MDM2: variants seen among roughly 807,000 people sequenced by gnomAD.
The protein encoded by MDM2 is MDM2 proto-oncogene, also known as E3 ubiquitin-protein ligase Mdm2.
A neutral mutation model predicts 64.3 loss-of-function variants in MDM2; 11 were observed. The ratio of observed to expected loss-of-function variants is 0.17; its 90% CI spans 0.11 to 0.28. The LOEUF (loss-of-function observed/expected upper bound fraction) is 0.28, where lower values mean the gene tolerates loss of function less well. Among genes scored for constraint, MDM2 ranks in the 10% least tolerant of loss-of-function variants. The probability of loss-of-function intolerance (pLI) is 1.00; values close to 1 mark genes in which losing one functional copy is unlikely to be tolerated. For synonymous variants in MDM2, 194 were observed against 192.9 expected, an observed-to-expected ratio of 1.01 and a Z score of -0.05; for missense variants, 388 against 577.1, an observed-to-expected ratio of 0.67 and a Z score of 3.36.
At chr12:68,825,165 C>T (rs1191323486) in intron 7 of MDM2, among the ~76,000 whole-genome samples, 5 of 152,110 alleles carry the variant, frequency 3.3e-5, no homozygotes, top group Non-Finnish European at 5.9e-5. Flanking sequence ...GCCGAAATTG[C>T]GCCACTGCAC....
intron 5 of MDM2, among the ~76,000 whole-genome samples, chr12:68,822,743 T>C (rs1013757132): frequency 1.6e-5 from 2 of 125,442 alleles, no homozygotes; most frequent in African/African-American, 6.4e-5. Context: ...CTCAACTTTG[T>C]CACTTTTTTT....
chr12:68,817,560 AC>A (rs1881489936), intron 4 of MDM2, among the ~76,000 whole-genome samples: 1 of 151,720 alleles, frequency 6.6e-6, no homozygotes, highest in Non-Finnish European at 1.5e-5. Flanking sequence ...GACCAGCCTG[AC>A]CAACATGGAG....
At chr12:68,831,383 A>G (rs1882784038) in intron 8 of MDM2, among the ~76,000 whole-genome samples, 1 of 152,172 alleles carries the variant, frequency 6.6e-6, no homozygotes, top group Admixed American at 6.5e-5. Context: ...TGGTTTGACC[A>G]GGCATGTCAT....
At position 68,808,427 on chromosome 12, in the gene MDM2, G is replaced by T. The variant is rs1404410597; in HGVS notation, c.-51G>T. 1.2e-6 allele frequency: 2 copies of T among 1,613,572 alleles called. No homozygotes were observed. Among genetic ancestry groups the T allele is most frequent in the Non-Finnish European group, 8.5e-7 (1 of 1,179,804 alleles). On this transcript the variant is annotated 5_prime_UTR_variant, in exon 1 of 11. It adds an upstream start codon to the 5' untranslated region. Coordinates refer to ENST00000258149, the MANE Select transcript of MDM2 (RefSeq NM_002392.6). The stretch of plus-strand genomic sequence containing the variant: ...GTCGTGCTTCCGCGCGCCCCGTGAA[G>T]GAAACTGGGGAGTCTTGAGGGACCC...
At chr12:68,812,224 TTAA>T (rs1880965790) in intron 2 of MDM2, among the ~76,000 whole-genome samples, 1 of 152,074 alleles carries the variant, frequency 6.6e-6, no homozygotes, top group African/African-American at 2.4e-5. Flanking sequence ...ATCAGAAAAA[TTAA>T]TAATTCAATT....
At chr12:68,812,147 G>A (rs1337405408) in intron 2 of MDM2, among the ~76,000 whole-genome samples, 1 of 151,502 alleles carries the variant, frequency 6.6e-6, no homozygotes, top group Non-Finnish European at 1.5e-5. Context: ...AATCTTTTTT[G>A]AGAGAGTCCA....
rs1313797177 is a variant in MDM2 at position 68,842,011 on chromosome 12, T to A, written c.*2162T>A. Reference sequence around the variant, plus strand: ...GCTGTTGCAAGGTGTTCAGATTGTATAAACATAAATGTCACAAAAACTTTA... The same window carrying A: ...GCTGTTGCAAGGTGTTCAGATTGTAAAAACATAAATGTCACAAAAACTTTA... On this transcript the variant is annotated 3_prime_UTR_variant, in exon 11 of 11. Transcript: ENST00000258149. The A allele has an allele frequency of 4.9e-6, 2 of 405,386 alleles. No individual in the cohort carries two copies. Among genetic ancestry groups the A allele is most frequent in the Non-Finnish European group, 9.5e-6 (2 of 211,428 alleles). The allele number at this position is 405,386 out of a possible 1,614,324, so 25.1% of individuals were successfully genotyped here. A position where few individuals can be genotyped will look rare whatever the true frequency, so the allele number is the denominator to read the frequency against.
intron 2 of MDM2, among the ~76,000 whole-genome samples, chr12:68,812,809 A>C (rs1881024749): frequency 6.6e-6 from 1 of 152,154 alleles, no homozygotes; most frequent in Non-Finnish European, 1.5e-5. Flanking sequence ...GTTGGTTTAC[A>C]TAGTAGCCAT....
At chr12:68,813,777 A>T in intron 3 of MDM2, 149 bp downstream of exon 3, 1 of 589,386 alleles carries the variant, frequency 1.7e-6, no homozygotes, top group Non-Finnish European at 3.0e-6. Context: ...ACTATATTTT[A>T]AAGCTGAAAA....
At chr12:68,819,120 A>G (rs1483521981) in intron 4 of MDM2, among the ~76,000 whole-genome samples, 2 of 152,206 alleles carry the variant, frequency 1.3e-5, no homozygotes, top group Non-Finnish European at 2.9e-5. Context: ...AGGAGAAATT[A>G]CTGACTTGAA....
intron 5 of MDM2, among the ~76,000 whole-genome samples, chr12:68,822,144 G>A (rs894114866): frequency 2.0e-5 from 3 of 152,258 alleles, no homozygotes; most frequent in East Asian, 1.9e-4. Flanking sequence ...GAGCCACTGC[G>A]TCTGGCTGTT....
chr12:68,830,562 TA>T lies in MDM2; in HGVS notation c.684+1633del, dbSNP rs140740067. Among the ~76,000 whole-genome samples the T allele has an allele frequency of 5.8e-3, 879 of 152,278 alleles. 13 individuals carry two copies. The highest frequency in any genetic ancestry group is 0.02 in the African/African-American group (819 of 41,554). ...TTGCCTTCATTGGGAGATAGATCAT[TA>T]ATGACAAAAATGAAAACATTTAATA... On this transcript the variant is annotated intron_variant, in intron 8 of 10. Coordinates refer to ENST00000258149, the MANE Select transcript of MDM2 (RefSeq NM_002392.6).
chr12:68,817,056 A>T, intron 4 of MDM2, 111 bp downstream of exon 4: 1 of 1,269,584 alleles, frequency 7.9e-7, no homozygotes, highest in Non-Finnish European at 1.1e-6. Flanking sequence ...TATTAAAGAC[A>T]TGCTGAAACT....
rs112099431 is a variant in MDM2 at position 68,840,919 on chromosome 12, A to T, written c.*1070A>T. On this transcript the variant is annotated 3_prime_UTR_variant, in exon 11 of 11. Coordinates refer to ENST00000258149, the MANE Select transcript of MDM2 (RefSeq NM_002392.6). ...GAGTGCAGTGGAGTGATCTCGGCTC[A>T]CTGCAACTTCCGCCTTCTGGGTTCA... The T allele has an allele frequency of 4.3e-5, 6 of 139,120 alleles. No homozygotes were observed. The highest frequency in any genetic ancestry group is 1.9e-4 in the African/African-American group (6 of 31,776). The allele number at this position is 139,120 out of a possible 1,614,324, so 8.6% of individuals were successfully genotyped here.
At chr12:68,836,067 TTATTCAGATTTCA>T in intron 9 of MDM2, 83 bp downstream of exon 9, 1 of 1,195,834 alleles carries the variant, frequency 8.4e-7, no homozygotes, top group Non-Finnish European at 1.1e-6. Context: ...TGAAATAATA[TTATTCAGATTTCA>T]CTTGAAATCT....
chr12:68,847,065 AG>A (rs1884344876), downstream of MDM2: 1 of 149,924 alleles, frequency 6.7e-6, no homozygotes. Flanking sequence ...GACTCACTGC[AG>A]CCTCCTGAGT....
intron 3 of MDM2, among the ~76,000 whole-genome samples, chr12:68,814,122 A>G (rs2701098): frequency 0.56 from 85,682 of 152,194 alleles, 27,093 homozygotes; most frequent in African/African-American, 0.86. Flanking sequence ...GCACGATCTC[A>G]GCTCACTGCA....
downstream of MDM2, chr12:68,846,055 G>A (rs1884272637): frequency 6.6e-6 from 1 of 151,314 alleles, no homozygotes; most frequent in African/African-American, 2.4e-5. Context: ...CCAGGTTCAA[G>A]CAATTCTGCC....
chr12:68,809,426 C>T lies in MDM2; in HGVS notation c.99+134C>T, dbSNP rs1880665174. 42 of 785,624 alleles carry T rather than the reference C, an allele frequency of 5.3e-5. No homozygotes were observed. In the South Asian group the frequency reaches 6.7e-4, roughly 12 times the overall value. The allele number at this position is 785,624 out of a possible 1,614,324, so 48.7% of individuals were successfully genotyped here. A position where few individuals can be genotyped will look rare whatever the true frequency, so the allele number is the denominator to read the frequency against. On this transcript the variant is annotated intron_variant, in intron 2 of 10. Coordinates refer to ENST00000258149, the MANE Select transcript of MDM2 (RefSeq NM_002392.6). ...GTGCATAGCTTAAAGTGTGCTACCT[C>T]TGGCGTAACTGCGTGGAGTTAAAAA...
Sources: gnomAD v4.1 joint callset for allele counts (sites outside exome capture counted in the v4.1 genomes callset) on GRCh38, gnomAD v4.1.1 for gene constraint, MANE v1.5 for transcripts, NCBI Gene and HGNC (gene_info 2026-07-23, HGNC 2026-07-21) for gene names.